Variants in ABCC10 observed in about 807,000 individuals in gnomAD.
The protein encoded by ABCC10 is ATP-binding cassette sub-family C member 10.
In ABCC10, 110 loss-of-function variants were observed where a neutral mutation model predicts 143.2. The observed-to-expected ratio is 0.77, with a 90% confidence interval of 0.66 to 0.90. The LOEUF (loss-of-function observed/expected upper bound fraction) is 0.90. ABCC10 is among the 40% of genes least tolerant of loss of function. ABCC10 has a pLI of 0.00. For missense variants in ABCC10, 1,700 were observed against 1,900.5 expected (o/e 0.89, Z 1.96); for synonymous variants, 805 against 846.7 (o/e 0.95, Z 0.85).
chr6:43,449,983 G>A lies in ABCC10; in HGVS notation c.4371G>A (p.Val1457=), dbSNP rs185507897. ...DRVLVLQAGR[V]VELDSPATLR... is the part of the protein sequence containing the mutation. ...TGCTGGTGCTACAAGCGGGGAGAGT[G>A]GTAGAGCTGGACTCCCCGGCCACCC... The change falls in exon 22 of 22, where the codon GTG becomes GTA. Residue 1457 remains valine (V), a synonymous_variant. Transcript: ENST00000372530. The A allele has an allele frequency of 9.3e-6, 15 of 1,613,884 alleles. No homozygotes were observed. Among genetic ancestry groups the A allele is most frequent in the African/African-American group, 1.3e-5 (1 of 75,030 alleles).
At chr6:43,448,769 C>A in intron 18 of ABCC10, 112 bp from the exon 19 acceptor site, 1 of 1,331,366 alleles carries the variant, frequency 7.5e-7, no homozygotes, top group South Asian at 1.5e-5. Flanking sequence ...GGGTTATGTT[C>A]AGGTCTCATA....
At position 43,447,241 on chromosome 6, in the gene ABCC10, C is replaced by A; in HGVS notation, c.3545-7C>A. ...CTCTCCCAGCAGCTGGTACTTCTCTCCCCCAGGGCTGGTGGGCTTGTCGCT... is the reference window on the plus strand; with the variant it reads ...CTCTCCCAGCAGCTGGTACTTCTCTACCCCAGGGCTGGTGGGCTTGTCGCT... On this transcript the variant is annotated splice_region_variant and splice_polypyrimidine_tract_variant and intron_variant, in intron 16 of 21. Transcript: ENST00000372530. The A allele has an allele frequency of 6.2e-7, 1 of 1,612,000 alleles. No individual in the cohort carries two copies. The highest frequency in any genetic ancestry group is 8.5e-7 in the Non-Finnish European group (1 of 1,179,350).
chr6:43,445,474 G>T, intron 14 of ABCC10, 125 bp from the exon 15 acceptor site: 1 of 1,360,920 alleles, frequency 7.3e-7, no homozygotes, highest in Non-Finnish European at 1.0e-6. Flanking sequence ...CAAATTCTGG[G>T]GATATTTTAG....
intron 8 of ABCC10, among the ~76,000 whole-genome samples, chr6:43,440,556 A>G (rs1261106139): frequency 6.6e-6 from 1 of 151,942 alleles, no homozygotes; most frequent in Non-Finnish European, 1.5e-5. Context: ...TGAGGTCAGG[A>G]GTTCAAGACC....
At chr6:43,435,122 A>G (rs997992280) in intron 4 of ABCC10, 1 of 390,926 alleles carries the variant, frequency 2.6e-6, no homozygotes, top group Non-Finnish European at 4.6e-6. Flanking sequence ...CCTCGTTCTA[A>G]TGGCCTTAGG....
At chr6:43,446,522 T>TC (rs1783098537) in intron 16 of ABCC10, 76 bp downstream of exon 16, 1 of 1,491,382 alleles carries the variant, frequency 6.7e-7, no homozygotes, top group Non-Finnish European at 8.9e-7. Context: ...CCCTGCACCA[T>TC]CCCCCCAACA....
chr6:43,443,660 T>C lies in ABCC10; in HGVS notation c.2417-273T>C. On this transcript the variant is annotated intron_variant, in intron 10 of 21. Transcript: ENST00000372530. The surrounding 1 kb of genome is among the most constrained non-coding windows in gnomAD (Gnocchi z 4.2). ...AGAGTGGCAGGCATAGCTCTGGCGG[T>C]CCTCTTGGGGATGGACATTCGTCCC... The C allele has an allele frequency of 2.3e-6, 1 of 434,712 alleles. No homozygotes were observed. Among genetic ancestry groups the C allele is most frequent in the Non-Finnish European group, 4.2e-6 (1 of 237,484 alleles). 26.9% of individuals were successfully genotyped at this position (434,712 alleles called of 1,614,324 possible).
chr6:43,447,223 A>G, intron 16 of ABCC10, 25 bp from the exon 17 acceptor site: 1 of 1,606,348 alleles, frequency 6.2e-7, no homozygotes, highest in South Asian at 1.1e-5. Flanking sequence ...AAGCTCTCCC[A>G]GCAGCTGGTA....
At position 43,444,002 on chromosome 6, in the gene ABCC10, C is replaced by CT. The variant is rs1222549656; in HGVS notation, c.2487dup (p.Asp830Ter). Reference sequence around the variant, plus strand: ...GCCTGGGCTGAGAATGGACAAGAGTCTGACTCAGGTATGGCTCCCCAGTGG... The same window carrying CT: ...GCCTGGGCTGAGAATGGACAAGAGTCTTGACTCAGGTATGGCTCCCCAGTGG... On this transcript the variant is annotated frameshift_variant, in exon 11 of 22. Coordinates refer to ENST00000372530, the MANE Select transcript of ABCC10 (RefSeq NM_001198934.2). LOFTEE classifies it high-confidence loss of function. The CT allele has an allele frequency of 1.2e-6, 2 of 1,614,094 alleles. No homozygotes were observed. The highest frequency in any genetic ancestry group is 2.2e-5 in the South Asian group (2 of 91,078).
In ABCC10 at chr6:43,433,240, C is replaced by A. The variant is rs149252338; in HGVS notation, c.1260C>A (p.Gly420=). The A allele has an allele frequency of 1.2e-6, 2 of 1,614,056 alleles. No homozygotes were observed. Among genetic ancestry groups the A allele is most frequent in the Admixed American group, 3.3e-5 (2 of 60,030 alleles). Residue 420 remains glycine, a synonymous_variant, in exon 3 of 22, where the codon GGC becomes GGA. Coordinates refer to ENST00000372530, the MANE Select transcript of ABCC10 (RefSeq NM_001198934.2). The part of the protein sequence containing the change: ...ITLYLLYQQV[G]VAFVGGLILA... ...TCTACCTGCTGTACCAGCAGGTAGG[C>A]GTGGCCTTCGTGGGTGGTCTCATCT...
chr6:43,449,844 G>C, intron 21 of ABCC10, 85 bp from the exon 22 acceptor site: 2 of 1,491,182 alleles, frequency 1.3e-6, no homozygotes, highest in South Asian at 1.2e-5. Context: ...GTGGTGTCCC[G>C]AGGGGAGAGG....
Position 43,444,940 on chromosome 6 carries a change from T to G in ABCC10, c.2840+2T>G. 6.2e-7 allele frequency: 1 copy of G among 1,609,856 alleles called. No homozygotes were observed. Among genetic ancestry groups the G allele is most frequent in the Non-Finnish European group, 8.5e-7 (1 of 1,177,956 alleles). On this transcript the variant is annotated splice_donor_variant, in intron 13 of 21. Transcript: ENST00000372530. LOFTEE classifies it high-confidence loss of function. ...CCTCTTTTCCCCTGGAAACCTCTAG[T>G]GAGTGGCTGGGGCTGGGGGTAGGCC...
intron 2 of ABCC10, among the ~76,000 whole-genome samples, chr6:43,428,914 G>C (rs566798364): frequency 6.6e-6 from 1 of 152,182 alleles, no homozygotes; most frequent in Non-Finnish European, 1.5e-5. Context: ...GGCTGTCTAT[G>C]CTAGGTGATT....
intron 21 of ABCC10, 92 bp downstream of exon 21, chr6:43,449,626 CT>C: frequency 9.6e-7 from 1 of 1,044,524 alleles, no homozygotes; most frequent in Non-Finnish European, 1.4e-6. Flanking sequence ...TGGTCAGGGC[CT>C]TAGAGATCCT....
At chr6:43,431,749 G>T (rs1781159568) in intron 2 of ABCC10, 2 of 951,804 alleles carry the variant, frequency 2.1e-6, no homozygotes. Context: ...TGAAGTTTGG[G>T]CTTCTAATGA....
rs373003296 is a variant in ABCC10 at position 43,436,232 on chromosome 6, T to C, written c.1860T>C (p.His620=). 33 of 1,613,748 alleles carry C rather than the reference T, an allele frequency of 2.0e-5. No individual in the cohort carries two copies. The highest frequency in any genetic ancestry group is 2.7e-5 in the Non-Finnish European group (32 of 1,179,994). ...VGTSLETFIS[H]LEVKKGMLVG... ...CCAGCCTGGAGACCTTCATCAGTCA[T>C]CTCGAAGTGAAAAAGGTTTGTTGGA... is the stretch of plus-strand genomic sequence containing the variant. The change falls in exon 6 of 22, where the codon CAT becomes CAC. Residue 620 remains histidine (H), a synonymous_variant. Transcript: ENST00000372530.
In ABCC10 at chr6:43,445,621, CCACA is replaced by C; in HGVS notation, c.3055_3058del (p.Thr1019ProfsTer6). ...CAGGCACCAGTGACTTTCTTCAATG[CCACA>C]CCCACGGGCCGGATCCTAAACCGCT... On this transcript the variant is annotated frameshift_variant, in exon 15 of 22. Transcript: ENST00000372530. LOFTEE classifies it high-confidence loss of function. The C allele has an allele frequency of 6.2e-7, 1 of 1,612,458 alleles. No homozygotes were observed. The highest frequency in any genetic ancestry group is 8.5e-7 in the Non-Finnish European group (1 of 1,178,666).
rs761935279 is a variant in ABCC10, at chr6:43,445,139, C to T, written c.2855C>T (p.Pro952Leu). 1.1e-5 allele frequency: 18 copies of T among 1,613,928 alleles called. No homozygotes were observed. Among genetic ancestry groups the T allele is most frequent in the Non-Finnish European group, 1.5e-5 (18 of 1,179,952 alleles). ...TCACCACCCAGCATCCCAGTGTTCC[C>T]ACTGCCCAAAGCTGCCCCCAATGGC... ...SPGNLYIPVF[P>L]LPKAAPNGSS... The change falls in exon 14 of 22, where the codon CCA becomes CTA. Residue 952 changes from proline (P) to leucine (L), a missense_variant. Physicochemically the swap from Pro to Leu is moderately conservative, Grantham distance 98. Transcript: ENST00000372530.
rs1400513910 is a variant in ABCC10 at position 43,433,026 on chromosome 6, A to G, written c.1046A>G (p.Tyr349Cys). 1 of 1,614,120 alleles carries G rather than the reference A, an allele frequency of 6.2e-7. No individual in the cohort carries two copies. Among genetic ancestry groups the G allele is most frequent in the Admixed American group, 1.7e-5 (1 of 60,018 alleles). ...VLQNQYGYEV[Y>C]KVTLQARGAV... is the part of the protein sequence containing the mutation. ...CAGAATCAGTATGGGTATGAGGTAT[A>G]TAAGGTAACACTTCAGGCACGGGGG... Residue 349 changes from tyrosine to cysteine, a missense_variant, in exon 3 of 22, where the codon TAT becomes TGT. Tyr to Cys is a radical substitution (Grantham distance 194). Coordinates refer to ENST00000372530, the MANE Select transcript of ABCC10 (RefSeq NM_001198934.2).
Sources: gnomAD v4.1 joint callset for allele counts (sites outside exome capture counted in the v4.1 genomes callset) on GRCh38, gnomAD v4.1.1 for gene constraint, Gnocchi (gnomAD v3.1) non-coding constraint, MANE v1.5 for transcripts, NCBI Gene and HGNC (gene_info 2026-07-23, HGNC 2026-07-21) for gene names.